Variants in MDFIC observed in about 807,000 individuals in gnomAD.
The protein encoded by MDFIC is myoD family inhibitor domain-containing protein.
MDFIC carries 17 observed loss-of-function variants against 23.2 expected under a neutral mutation model. That is an observed-to-expected ratio of 0.73 (90% CI 0.50 to 1.10). The LOEUF (loss-of-function observed/expected upper bound fraction) is 1.10. Ranked by LOEUF, MDFIC falls within the 50% of genes least tolerant of loss-of-function variation. The pLI, the probability that MDFIC is intolerant of heterozygous loss-of-function variation, is 0.00. For missense variants in MDFIC, 356 were observed against 316.6 expected (o/e 1.12, Z -0.95); for synonymous variants, 120 against 115.2 (o/e 1.04, Z -0.27).
chr7:115,007,598 GATCT>G (rs1343904600), intron 4 of MDFIC, among the ~76,000 whole-genome samples: 12 of 144,676 alleles, frequency 8.3e-5, no homozygotes, highest in African/African-American at 1.3e-4. Context: ...TATTTTCTGA[GATCT>G]ATCTATCTAT....
At chr7:114,953,972 A>G (rs1792833692) in intron 3 of MDFIC, among the ~76,000 whole-genome samples, 1 of 152,164 alleles carries the variant, frequency 6.6e-6, no homozygotes, top group Non-Finnish European at 1.5e-5. Flanking sequence ...GACTGAATCC[A>G]CTGATTTGGA....
Position 114,931,492 on chromosome 7 carries a change from G to A in MDFIC, c.94+8365G>A, listed in dbSNP as rs551710748. On this transcript the variant is annotated intron_variant, in intron 2 of 4. Coordinates refer to ENST00000393486, the MANE Select transcript of MDFIC (RefSeq NM_001166345.3). ...AAAACCCTGCCCACAAATATTTTTC[G>A]GTGTGCCTACAAGGTCCTGCGAAAA... Among the ~76,000 whole-genome samples the A allele has an allele frequency of 2.0e-4, 31 of 152,184 alleles. 1 individual carries two copies. The highest frequency in any genetic ancestry group is 1.7e-3 in the South Asian group (8 of 4,820).
At chr7:115,008,551 T>C (rs1375558240) in intron 4 of MDFIC, among the ~76,000 whole-genome samples, 4 of 152,186 alleles carry the variant, frequency 2.6e-5, no homozygotes, top group Admixed American at 2.6e-4. Context: ...AGGCTCACTT[T>C]AGGCCAATTT....
At chr7:114,989,287 T>A (rs1386321299) in intron 4 of MDFIC, among the ~76,000 whole-genome samples, 1 of 152,170 alleles carries the variant, frequency 6.6e-6, no homozygotes, top group Admixed American at 6.5e-5. Context: ...TTCTGTTGGT[T>A]GTGACAACAT....
intron 4 of MDFIC, among the ~76,000 whole-genome samples, chr7:114,982,318 AT>A (rs1329919536): frequency 6.6e-6 from 1 of 152,138 alleles, no homozygotes; most frequent in Non-Finnish European, 1.5e-5. Context: ...GATGGAAATG[AT>A]TTTTTTATAA....
At chr7:114,970,511 T>C (rs970413638) in intron 3 of MDFIC, among the ~76,000 whole-genome samples, 65 of 152,302 alleles carry the variant, frequency 4.3e-4, no homozygotes, top group Non-Finnish European at 8.5e-4. Flanking sequence ...TTTTGGGCTC[T>C]GGGCTATCCA....
intron 4 of MDFIC, among the ~76,000 whole-genome samples, chr7:115,006,925 G>A (rs1187051663): frequency 3.9e-5 from 1 of 25,894 alleles, no homozygotes; most frequent in Admixed American, 5.4e-4. Context: ...ATAGGTTCAA[G>A]TAAAGTATAG....
In MDFIC at chr7:114,987,592, A is replaced by G. The variant is rs549985438; in HGVS notation, c.493+7811A>G. Reference sequence around the variant, plus strand: ...CGAAAGGTTTAGAATTCTGCTTTCCAATGCAATATTTGCTAGTTCTTTGGA... The same window carrying G: ...CGAAAGGTTTAGAATTCTGCTTTCCGATGCAATATTTGCTAGTTCTTTGGA... On this transcript the variant is annotated intron_variant, in intron 4 of 4. Coordinates refer to ENST00000393486, the MANE Select transcript of MDFIC (RefSeq NM_001166345.3). Among the ~76,000 whole-genome samples the G allele has an allele frequency of 5.8e-4, 89 of 152,302 alleles. 2 individuals carry two copies. The highest frequency in any genetic ancestry group is 1.8e-3 in the African/African-American group (76 of 41,580).
At chr7:114,938,586 G>A (rs979755473) in intron 2 of MDFIC, among the ~76,000 whole-genome samples, 2 of 152,116 alleles carry the variant, frequency 1.3e-5, no homozygotes, top group Non-Finnish European at 2.9e-5. Context: ...GCTGCACAGC[G>A]GTTCTAACCC....
intron 4 of MDFIC, among the ~76,000 whole-genome samples, chr7:114,986,963 A>G (rs1387349744): frequency 6.6e-6 from 1 of 152,202 alleles, no homozygotes; most frequent in Non-Finnish European, 1.5e-5. Context: ...TAGGAGTGTC[A>G]ACTGGAGAAC....
At chr7:114,936,909 A>AT (rs1452857867) in intron 2 of MDFIC, among the ~76,000 whole-genome samples, 1 of 152,086 alleles carries the variant, frequency 6.6e-6, no homozygotes, top group Non-Finnish European at 1.5e-5. Context: ...AACAAAGAAA[A>AT]TTTTTATTTT....
intron 4 of MDFIC, 30 bp from the exon 5 acceptor site, chr7:115,015,658 T>A: frequency 6.2e-7 from 1 of 1,608,742 alleles, no homozygotes; most frequent in Non-Finnish European, 8.5e-7. Context: ...TTTTTCTCAC[T>A]ATATGGTCTC....
At chr7:114,981,035 A>T (rs1442863546) in intron 4 of MDFIC, among the ~76,000 whole-genome samples, 1 of 152,214 alleles carries the variant, frequency 6.6e-6, no homozygotes, top group Non-Finnish European at 1.5e-5. Flanking sequence ...AATGAGTTTG[A>T]CATGTAAGCT....
At chr7:114,936,927 C>T (rs1300338791) in intron 2 of MDFIC, among the ~76,000 whole-genome samples, 1 of 151,894 alleles carries the variant, frequency 6.6e-6, no homozygotes. Flanking sequence ...TTTTTAAAAA[C>T]TTATGTAACA....
In MDFIC at chr7:115,003,684, T is replaced by C. The variant is rs181781601; in HGVS notation, c.494-12004T>C. 2.0e-5 allele frequency among the ~76,000 whole-genome samples: 3 copies of C among 152,312 alleles called. No individual in the cohort carries two copies. In the East Asian group the frequency reaches 5.8e-4, roughly 29 times the overall value. Reference sequence around the variant, plus strand: ...CAACAAAAATATGGAGCCACTGGCATCTCTAAAACTGTCTGCTTGCCTCTG... The same window carrying C: ...CAACAAAAATATGGAGCCACTGGCACCTCTAAAACTGTCTGCTTGCCTCTG... On this transcript the variant is annotated intron_variant, in intron 4 of 4. Transcript: ENST00000393486.
intron 3 of MDFIC, among the ~76,000 whole-genome samples, chr7:114,963,421 A>T (rs1163723990): frequency 1.3e-5 from 2 of 152,128 alleles, no homozygotes; most frequent in African/African-American, 4.8e-5. Flanking sequence ...GTCTGGTCTG[A>T]GACTCTGTTG....
intron 3 of MDFIC, among the ~76,000 whole-genome samples, chr7:114,956,230 G>A (rs1036121211): frequency 8.6e-5 from 13 of 152,044 alleles, no homozygotes; most frequent in African/African-American, 3.1e-4. Context: ...TTCTGCCCTT[G>A]TGTTGGCAAG....
At chr7:114,983,585 TGAGG>T (rs1793455327) in intron 4 of MDFIC, among the ~76,000 whole-genome samples, 1 of 148,276 alleles carries the variant, frequency 6.7e-6, no homozygotes, top group African/African-American at 2.5e-5. Context: ...TTTTTTTTTT[TGAGG>T]TCGTGTCTCA....
At chr7:115,014,339 G>C in intron 4 of MDFIC, 1 of 1,260,002 alleles carries the variant, frequency 7.9e-7, no homozygotes, top group South Asian at 1.3e-5. Flanking sequence ...TATAGTAGAG[G>C]GATTCTGTCA....
Sources: allele counts gnomAD v4.1 joint callset (sites outside exome capture counted in the v4.1 genomes callset), GRCh38; gene constraint gnomAD v4.1.1; transcripts MANE v1.5; gene names NCBI Gene and HGNC (gene_info 2026-07-23, HGNC 2026-07-21).